The following KLHDC10 variants were observed in gnomAD, a reference collection of about 807,000 sequenced individuals.
KLHDC10 encodes kelch domain containing 10, also known as kelch domain-containing protein 10.
KLHDC10 carries 24 observed loss-of-function variants against 56.1 expected under a neutral mutation model. That is an observed-to-expected ratio of 0.43 (90% confidence interval 0.31 to 0.60). The LOEUF (loss-of-function observed/expected upper bound fraction) is 0.60. Ranked by LOEUF, KLHDC10 falls within the 20% of genes least tolerant of loss-of-function variation. KLHDC10 has a pLI of 0.11. For synonymous variants in KLHDC10, 188 were observed against 207.1 expected (o/e 0.91, Z 0.79); for missense variants, 349 against 567.0 (o/e 0.62, Z 3.91).
rs773751382 is a variant in KLHDC10, at chr7:130,116,507, G to A, written c.316G>A (p.Val106Met). 57 of 1,614,034 alleles carry A rather than the reference G, an allele frequency of 3.5e-5. No individual in the cohort carries two copies. Among genetic ancestry groups the A allele is most frequent in the Non-Finnish European group, 4.2e-5 (50 of 1,180,044 alleles). Residue 106 changes from valine to methionine, a missense_variant, in exon 3 of 10, where the codon GTG (valine) becomes ATG (methionine). Physicochemically the swap from Val to Met is conservative, Grantham distance 21. Transcript: ENST00000335420. This position sits in a 1 kb window ranked among gnomAD's most constrained non-coding sequence, Gnocchi z 4.8. The part of the protein sequence containing the change: ...RCVADNTNLY[V>M]FGGYNPDYDE... ...TGTGGCAGATAATACCAACCTATAT[G>A]TGTTTGGAGGTTATAACCCAGATTA...
chr7:130,125,542 C>A (rs144026992), intron 6 of KLHDC10, among the ~76,000 whole-genome samples: 1 of 151,736 alleles, frequency 6.6e-6, no homozygotes, highest in African/African-American at 2.4e-5. Flanking sequence ...GACTCCATCT[C>A]AAAAAAATAT....
At chr7:130,124,301 G>T in intron 5 of KLHDC10, 150 bp from the exon 6 acceptor site, 1 of 571,154 alleles carries the variant, frequency 1.8e-6, no homozygotes, top group Middle Eastern at 4.7e-4. Context: ...TATTCTGTAA[G>T]TCATATAACC....
chr7:130,110,926 T>C (rs779164721), intron 2 of KLHDC10, among the ~76,000 whole-genome samples: 1 of 152,196 alleles, frequency 6.6e-6, no homozygotes, highest in Non-Finnish European at 1.5e-5. Flanking sequence ...GCTTCTGTGA[T>C]GTTCTTTTAT....
At chr7:130,107,103 G>A (rs1286769997) in intron 2 of KLHDC10, among the ~76,000 whole-genome samples, 1 of 152,170 alleles carries the variant, frequency 6.6e-6, no homozygotes, top group Non-Finnish European at 1.5e-5. Context: ...CATATATGAT[G>A]TATCATTTAT....
At chr7:130,121,327 C>T (rs759396239) in intron 4 of KLHDC10, among the ~76,000 whole-genome samples, 1 of 152,158 alleles carries the variant, frequency 6.6e-6, no homozygotes, top group Non-Finnish European at 1.5e-5. Context: ...TGAGCTAAAA[C>T]ATACATTATG....
intron 1 of KLHDC10, among the ~76,000 whole-genome samples, chr7:130,091,338 T>C (rs775679076): frequency 6.6e-6 from 1 of 152,234 alleles, no homozygotes; most frequent in East Asian, 1.9e-4. Flanking sequence ...TCTGCATCCT[T>C]GCCACCATGA....
At chr7:130,104,456 C>T (rs1220576132) in intron 2 of KLHDC10, among the ~76,000 whole-genome samples, 1 of 152,070 alleles carries the variant, frequency 6.6e-6, no homozygotes, top group South Asian at 2.1e-4. Flanking sequence ...AAGTCAGGAT[C>T]CTTACTGCAA....
At chr7:130,122,268 G>A in intron 5 of KLHDC10, 66 bp downstream of exon 5, 2 of 1,482,512 alleles carry the variant, frequency 1.3e-6, no homozygotes, top group Admixed American at 2.0e-5. Flanking sequence ...TCAGAGTGTT[G>A]GCAATATGAA....
chr7:130,076,408 G>A lies in KLHDC10; in HGVS notation c.166+5599G>A, dbSNP rs1002777085. The stretch of plus-strand genomic sequence containing the variant: ...ATATTTTTCACAGTTTTTCATTTGC[G>A]TTTTGACTTTGTTTATGGTCTATTT... On this transcript the variant is annotated intron_variant, in intron 1 of 9. Transcript: ENST00000335420. Among the ~76,000 whole-genome samples the A allele has an allele frequency of 7.2e-5, 11 of 152,022 alleles. 1 individual carries two copies. Among genetic ancestry groups the A allele is most frequent in the Admixed American group, 4.6e-4 (7 of 15,268 alleles).
chr7:130,090,601 A>G (rs1795757809), intron 1 of KLHDC10, among the ~76,000 whole-genome samples: 1 of 152,016 alleles, frequency 6.6e-6, no homozygotes, highest in Non-Finnish European at 1.5e-5. Context: ...GAAAAAAAAA[A>G]AAAGAGAGAA....
At chr7:130,107,867 A>AAG (rs58454926) in intron 2 of KLHDC10, among the ~76,000 whole-genome samples, 1 of 141,636 alleles carries the variant, frequency 7.1e-6, no homozygotes, top group African/African-American at 2.6e-5. Flanking sequence ...AAAAAAAAAA[A>AAG]GAGCCGGACG....
intron 1 of KLHDC10, among the ~76,000 whole-genome samples, chr7:130,073,653 G>T (rs13241083): frequency 6.6e-6 from 1 of 152,052 alleles, no homozygotes; most frequent in Admixed American, 6.6e-5. Context: ...CTGATACTTA[G>T]AACCTTTTCT....
At chr7:130,127,204 C>G (rs945399523) in intron 7 of KLHDC10, among the ~76,000 whole-genome samples, 200 bp from the exon 8 acceptor site, 1 of 152,194 alleles carries the variant, frequency 6.6e-6, no homozygotes, top group Non-Finnish European at 1.5e-5. Flanking sequence ...GTTTCCGGCA[C>G]CTTAGCATTG....
intron 7 of KLHDC10, among the ~76,000 whole-genome samples, chr7:130,126,562 G>C (rs10225395): frequency 3.9e-5 from 6 of 152,058 alleles, no homozygotes; most frequent in African/African-American, 1.4e-4. Flanking sequence ...TGTCATCCCA[G>C]CTACTTGGGA....
intron 1 of KLHDC10, among the ~76,000 whole-genome samples, chr7:130,086,189 C>T (rs1249128146): frequency 6.6e-6 from 1 of 152,056 alleles, no homozygotes; most frequent in Non-Finnish European, 1.5e-5. Flanking sequence ...TTCCTTTTCA[C>T]TTTCAATGGT....
At chr7:130,122,906 T>C (rs937769596) in intron 5 of KLHDC10, among the ~76,000 whole-genome samples, 1 of 152,156 alleles carries the variant, frequency 6.6e-6, no homozygotes, top group Non-Finnish European at 1.5e-5. Context: ...CACAGACATA[T>C]CTTCAATACA....
chr7:130,114,093 T>C (rs1796136293), intron 2 of KLHDC10, among the ~76,000 whole-genome samples: 1 of 152,210 alleles, frequency 6.6e-6, no homozygotes, highest in Admixed American at 6.5e-5. Flanking sequence ...GCTGTTTACT[T>C]TGGCCTGACG....
rs1385690066 is a variant in KLHDC10 at position 130,118,166 on chromosome 7, C to T, written c.475+1500C>T. On this transcript the variant is annotated intron_variant, in intron 3 of 9. Coordinates refer to ENST00000335420, the MANE Select transcript of KLHDC10 (RefSeq NM_014997.4). ...TCCAGCCTGGGCAATAAGAGTGAGA[C>T]TCCGTTTCAAAAAAAATAAAAATAA... Among the ~76,000 whole-genome samples the T allele has an allele frequency of 3.9e-5, 6 of 152,058 alleles. No individual in the cohort carries two copies. In the East Asian group the frequency reaches 1.2e-3, roughly 29 times the overall value.
intron 1 of KLHDC10, among the ~76,000 whole-genome samples, chr7:130,083,613 TC>T (rs950482664): frequency 2.0e-5 from 3 of 152,172 alleles, no homozygotes; most frequent in African/African-American, 7.2e-5. Context: ...TAGCATTTTT[TC>T]CTATTCTCTC....
Sources: gnomAD v4.1 joint callset for allele counts (sites outside exome capture counted in the v4.1 genomes callset) on GRCh38, gnomAD v4.1.1 for gene constraint, Gnocchi (gnomAD v3.1) non-coding constraint, MANE v1.5 for transcripts, NCBI Gene and HGNC (gene_info 2026-07-23, HGNC 2026-07-21) for gene names.